GABRG3: variants seen among roughly 807,000 people sequenced by gnomAD.
GABRG3 encodes the protein gamma-aminobutyric acid receptor subunit gamma-3.
GABRG3 carries 25 observed loss-of-function variants against 48.8 expected under a neutral mutation model. That is an observed-to-expected ratio of 0.51 (90% CI 0.37 to 0.72). The LOEUF is 0.72. GABRG3 is among the 30% of genes least tolerant of loss of function. The pLI, the probability that GABRG3 is intolerant of heterozygous loss-of-function variation, is 0.00. For synonymous variants in GABRG3, 227 were observed against 217.6 expected (o/e 1.04, Z -0.38); for missense variants, 394 against 577.9 (o/e 0.68, Z 3.26).
intron 3 of GABRG3, among the ~76,000 whole-genome samples, chr15:27,152,476 A>G (rs1898335276): frequency 1.3e-5 from 2 of 152,218 alleles, no homozygotes; most frequent in South Asian, 2.1e-4. Flanking sequence ...GTTCTTTTGC[A>G]TCTCCATATG....
intron 3 of GABRG3, among the ~76,000 whole-genome samples, chr15:27,153,926 A>G (rs1898369686): frequency 6.6e-6 from 1 of 152,096 alleles, no homozygotes; most frequent in Admixed American, 6.5e-5. Flanking sequence ...GCCTTTTGAC[A>G]TCACTTGTAA....
intron 3 of GABRG3, among the ~76,000 whole-genome samples, chr15:27,200,549 C>T (rs888694024): frequency 1.3e-5 from 2 of 152,170 alleles, no homozygotes; most frequent in Admixed American, 6.5e-5. Context: ...GGACAGACCC[C>T]TCCTTCACGG....
intron 3 of GABRG3, among the ~76,000 whole-genome samples, chr15:27,308,264 A>G (rs187969788): frequency 2.1e-5 from 3 of 139,992 alleles, no homozygotes; most frequent in South Asian, 2.3e-4. Flanking sequence ...ACGTTTATAT[A>G]TAAACATAAT....
intron 7 of GABRG3, among the ~76,000 whole-genome samples, chr15:27,523,924 C>T (rs2169638): frequency 0.62 from 94,480 of 151,338 alleles, 30,628 homozygotes; most frequent in African/African-American, 0.81. Flanking sequence ...ATTTGTGTCA[C>T]TGGAGTTCCA....
At chr15:26,997,612 AT>A (rs1895366150) in intron 2 of GABRG3, among the ~76,000 whole-genome samples, 1 of 152,052 alleles carries the variant, frequency 6.6e-6, no homozygotes, top group South Asian at 2.1e-4. Flanking sequence ...CCTTATATTC[AT>A]TTTTTAGCCC....
At chr15:27,372,529 A>C (rs1895448072) in intron 5 of GABRG3, among the ~76,000 whole-genome samples, 1 of 152,114 alleles carries the variant, frequency 6.6e-6, no homozygotes, top group South Asian at 2.1e-4. Context: ...AGTACCTGGG[A>C]TTACAGGCAC....
chr15:27,076,132 C>T (rs1390676357), intron 3 of GABRG3, among the ~76,000 whole-genome samples: 1 of 152,076 alleles, frequency 6.6e-6, no homozygotes, highest in African/African-American at 2.4e-5. Context: ...AGCAAGAGCC[C>T]TGGCACCAAG....
chr15:27,288,126 GC>G (rs1424551404), intron 3 of GABRG3, among the ~76,000 whole-genome samples: 1 of 151,890 alleles, frequency 6.6e-6, no homozygotes, highest in Non-Finnish European at 1.5e-5. Flanking sequence ...AGAATAATGG[GC>G]CCCCAGACAT....
chr15:27,044,172 T>C (rs1299502339), intron 3 of GABRG3, among the ~76,000 whole-genome samples: 1 of 152,148 alleles, frequency 6.6e-6, no homozygotes, highest in African/African-American at 2.4e-5. Flanking sequence ...AACACATCAC[T>C]AGGCCCAGCC....
chr15:26,993,459 G>A (rs1895283948), intron 2 of GABRG3, among the ~76,000 whole-genome samples: 2 of 151,770 alleles, frequency 1.3e-5, no homozygotes, highest in African/African-American at 4.8e-5. Flanking sequence ...TTTCCTCATT[G>A]ACCCACTAGT....
intron 3 of GABRG3, among the ~76,000 whole-genome samples, chr15:27,093,726 G>A (rs1292111423): frequency 6.6e-6 from 1 of 152,168 alleles, no homozygotes; most frequent in Non-Finnish European, 1.5e-5. Context: ...TTTCCAGTAT[G>A]ATGGATACTC....
intron 3 of GABRG3, among the ~76,000 whole-genome samples, chr15:27,316,366 C>G (rs567191441): frequency 8.1e-6 from 1 of 123,768 alleles, no homozygotes; most frequent in South Asian, 2.4e-4. Context: ...CCAGCCTGGG[C>G]GACAGAGCGA....
rs537017562 is a variant in GABRG3, at chr15:27,328,887, C to T, written c.573C>T (p.Ser191=). The change falls in exon 5 of 10, where the codon AGC becomes AGT. Residue 191 remains serine, a splice_region_variant and synonymous_variant. Coordinates refer to ENST00000615808, the MANE Select transcript of GABRG3 (RefSeq NM_033223.5). ...DEHSCPLIFS[S]YGYPKEEMIY... is the part of the protein sequence containing the mutation. ...ACTCCTGCCCGCTGATTTTCTCCAGCTGTGAGTACCAGTCCAAGCCCGGGG... is the reference window on the plus strand; with the variant it reads ...ACTCCTGCCCGCTGATTTTCTCCAGTTGTGAGTACCAGTCCAAGCCCGGGG... 1.1e-5 allele frequency: 18 copies of T among 1,613,570 alleles called. No individual in the cohort carries two copies. In the South Asian group the frequency reaches 1.9e-4, roughly 17 times the overall value.
intron 3 of GABRG3, among the ~76,000 whole-genome samples, chr15:27,250,755 G>C (rs529325471): frequency 6.6e-6 from 1 of 152,196 alleles, no homozygotes; most frequent in Non-Finnish European, 1.5e-5. Context: ...GACAGTGCCC[G>C]TGACAAGAGT....
intron 2 of GABRG3, among the ~76,000 whole-genome samples, chr15:27,019,367 G>T (rs1363374062): frequency 6.6e-6 from 1 of 152,124 alleles, no homozygotes; most frequent in African/African-American, 2.4e-5. Context: ...ACCGCGCCCA[G>T]CCTAGAGTCT....
intron 3 of GABRG3, among the ~76,000 whole-genome samples, chr15:27,028,222 G>C (rs1211477044): frequency 6.6e-6 from 1 of 152,156 alleles, no homozygotes; most frequent in African/African-American, 2.4e-5. Context: ...TCTCCAGTGA[G>C]GTCCTCTTCA....
chr15:27,023,267 A>T (rs552088456), intron 2 of GABRG3, among the ~76,000 whole-genome samples: 3 of 152,132 alleles, frequency 2.0e-5, no homozygotes, highest in Non-Finnish European at 4.4e-5. Flanking sequence ...TCATATCCCC[A>T]TCTTTCTCTT....
chr15:27,409,157 G>C (rs1887724170), intron 5 of GABRG3, among the ~76,000 whole-genome samples: 1 of 151,872 alleles, frequency 6.6e-6, no homozygotes, highest in South Asian at 2.1e-4. Flanking sequence ...TCTTGCTTCT[G>C]ATATCATACC....
chr15:26,972,039 C>T (rs1053454940), intron 1 of GABRG3, among the ~76,000 whole-genome samples: 3 of 151,886 alleles, frequency 2.0e-5, no homozygotes, highest in Admixed American at 1.3e-4. Flanking sequence ...TAGTTTAGAC[C>T]GGGCTGGAAA....
Sources: gnomAD v4.1 joint callset for allele counts (sites outside exome capture counted in the v4.1 genomes callset) on GRCh38, gnomAD v4.1.1 for gene constraint, MANE v1.5 for transcripts, NCBI Gene and HGNC (gene_info 2026-07-23, HGNC 2026-07-21) for gene names.